The following SPEF2 variants were observed in gnomAD, a reference collection of about 807,000 sequenced individuals.
The protein encoded by SPEF2 is sperm flagellar and cilia associated 2.
SPEF2 carries 187 observed loss-of-function variants against 224.6 expected under a neutral mutation model. That is an observed-to-expected ratio of 0.83 (90% CI 0.74 to 0.94). The LOEUF (loss-of-function observed/expected upper bound fraction) is 0.94, where lower values mean the gene tolerates loss of function less well. Among genes scored for constraint, SPEF2 ranks in the 40% least tolerant of loss-of-function variants. The pLI, the probability that SPEF2 is intolerant of heterozygous loss-of-function variation, is 0.00. For missense variants in SPEF2, 2,170 were observed against 2,135.6 expected (o/e 1.02, Z -0.32); for synonymous variants, 715 against 707.3 (o/e 1.01, Z -0.17).
At chr5:35,787,847 A>G in intron 30 of SPEF2, 1 of 560,810 alleles carries the variant, frequency 1.8e-6, no homozygotes, top group Admixed American at 3.1e-5. Context: ...TAAAATAACA[A>G]TGTGGAGTTA....
At chr5:35,709,194 G>T (rs575662584) in intron 19 of SPEF2, 73 bp downstream of exon 19, 1 of 1,578,388 alleles carries the variant, frequency 6.3e-7, no homozygotes, top group Admixed American at 2.0e-5. Flanking sequence ...ATAAATTATA[G>T]TCTATCTACA....
chr5:35,707,928 A>G (rs377662524), intron 18 of SPEF2, among the ~76,000 whole-genome samples: 2 of 151,788 alleles, frequency 1.3e-5, no homozygotes, highest in East Asian at 1.9e-4. Flanking sequence ...ACTCTGTTCT[A>G]TTTTTTTTCC....
At chr5:35,618,549 T>A (rs958757360) in intron 1 of SPEF2, among the ~76,000 whole-genome samples, 3 of 152,174 alleles carry the variant, frequency 2.0e-5, no homozygotes, top group African/African-American at 7.2e-5. Context: ...TGTTTCCTTC[T>A]CTATAAAATG....
intron 30 of SPEF2, among the ~76,000 whole-genome samples, chr5:35,786,500 A>G (rs533079814): frequency 1.3e-5 from 2 of 152,288 alleles, no homozygotes; most frequent in East Asian, 3.9e-4. Flanking sequence ...TCTCTAATAA[A>G]AATACAAAAA....
At chr5:35,663,762 C>G (rs1160260543) in intron 8 of SPEF2, among the ~76,000 whole-genome samples, 2 of 152,092 alleles carry the variant, frequency 1.3e-5, no homozygotes, top group African/African-American at 4.8e-5. Flanking sequence ...CTCTTTCATC[C>G]TACCTCTGCA....
intron 4 of SPEF2, 69 bp from the exon 5 acceptor site, chr5:35,646,598 C>T (rs2149414765): frequency 6.9e-7 from 1 of 1,443,186 alleles, no homozygotes; most frequent in African/African-American, 1.4e-5. Context: ...TATATTTGTA[C>T]CTATGAGTGT....
intron 8 of SPEF2, 21 bp from the exon 9 acceptor site, chr5:35,667,051 A>T (rs1750566145): frequency 1.9e-6 from 3 of 1,579,368 alleles, no homozygotes; most frequent in African/African-American, 2.7e-5. Context: ...GTGACTTAAA[A>T]ATATGTTTTT....
chr5:35,793,727 AACACACACACACAC>A (rs374573342), intron 32 of SPEF2, among the ~76,000 whole-genome samples: 3,714 of 100,858 alleles, frequency 0.037, 148 homozygotes, highest in South Asian at 0.18. Flanking sequence ...CAGTGGTTAA[AACACACACACACAC>A]ACACACACAC....
chr5:35,663,352 C>T lies in SPEF2; in HGVS notation c.1168-3720C>T, dbSNP rs905097315. ...TTTAGTATTCCTTGACATCTGTGGT[C>T]ATATGTCTCAGAGACACTTCAAATT... On this transcript the variant is annotated intron_variant, in intron 8 of 36. Transcript: ENST00000356031. Among the ~76,000 whole-genome samples, 12 of 152,280 alleles carry T rather than the reference C, an allele frequency of 7.9e-5. No individual in the cohort carries two copies. The East Asian group carries it at 2.3e-3, about 29-fold the overall frequency.
chr5:35,791,190 C>G lies in SPEF2; in HGVS notation c.4448-1150C>G, dbSNP rs554424905. Reference sequence around the variant, plus strand: ...GAAAATTCTGCTATCTGGGAAAATGCTCTCATGTCTATAAAACTGGATACT... The same window carrying G: ...GAAAATTCTGCTATCTGGGAAAATGGTCTCATGTCTATAAAACTGGATACT... On this transcript the variant is annotated intron_variant, in intron 30 of 36. Transcript: ENST00000356031. 9 of 152,250 alleles carry G rather than the reference C, an allele frequency of 5.9e-5. No individual in the cohort carries two copies. In the South Asian group the frequency reaches 1.0e-3, roughly 18 times the overall value. 9.4% of individuals were successfully genotyped at this position (152,250 alleles called of 1,614,324 possible).
At chr5:35,766,880 A>T (rs1445857305) in intron 26 of SPEF2, among the ~76,000 whole-genome samples, 3 of 151,798 alleles carry the variant, frequency 2.0e-5, no homozygotes, top group Non-Finnish European at 4.4e-5. Context: ...TTAATTTTCA[A>T]AATAATATGT....
intron 6 of SPEF2, among the ~76,000 whole-genome samples, chr5:35,652,631 A>G (rs1425252161): frequency 1.3e-5 from 2 of 152,186 alleles, no homozygotes; most frequent in Admixed American, 6.5e-5. Flanking sequence ...TTTAGCAGAC[A>G]TCAACTATTT....
At chr5:35,640,264 G>A (rs954462631) in intron 2 of SPEF2, among the ~76,000 whole-genome samples, 21 of 152,082 alleles carry the variant, frequency 1.4e-4, no homozygotes, top group African/African-American at 4.8e-4. Context: ...GTAGCCCAAG[G>A]TTATAACCCA....
At chr5:35,703,859 T>C (rs1251871582) in intron 16 of SPEF2, among the ~76,000 whole-genome samples, 1 of 152,236 alleles carries the variant, frequency 6.6e-6, no homozygotes, top group African/African-American at 2.4e-5. Flanking sequence ...GTGAGGGTTC[T>C]TCATTTGCTC....
rs572326239 is a variant in SPEF2, at chr5:35,717,527, T to C, written c.2914+4641T>C. On this transcript the variant is annotated intron_variant, in intron 20 of 36. Transcript: ENST00000356031. ...TTCCTTAGTTCAGCTAAAGACGGGGTTCTTGTCCATCCCATGGCCATGAAA... is the reference window on the plus strand; with the variant it reads ...TTCCTTAGTTCAGCTAAAGACGGGGCTCTTGTCCATCCCATGGCCATGAAA... Among the ~76,000 whole-genome samples the C allele has an allele frequency of 1.1e-4, 16 of 152,094 alleles. No individual in the cohort carries two copies. The East Asian group carries it at 1.7e-3, about 17-fold the overall frequency.
intron 21 of SPEF2, among the ~76,000 whole-genome samples, chr5:35,732,599 A>T (rs1745816442): frequency 1.3e-5 from 2 of 152,220 alleles, no homozygotes; most frequent in South Asian, 4.1e-4. Context: ...TCTCCAAAAA[A>T]TTTAATATGA....
chr5:35,698,471 G>A lies in SPEF2; in HGVS notation c.2141+678G>A, dbSNP rs1374746312. 2.6e-5 allele frequency: 4 copies of A among 152,214 alleles called. No homozygotes were observed. The South Asian group carries it at 8.3e-4, about 32-fold the overall frequency. The allele number at this position is 152,214 out of a possible 1,614,324, so 9.4% of individuals were successfully genotyped here. A position where few individuals can be genotyped will look rare whatever the true frequency, so the allele number is the denominator to read the frequency against. On this transcript the variant is annotated intron_variant, in intron 15 of 36. Coordinates refer to ENST00000356031, the MANE Select transcript of SPEF2 (RefSeq NM_024867.4). ...AATAGTTGTAACATTTCCCAGAAGTGGCGATAAAGCATGTTTCAGCCATGG... is the reference window on the plus strand; with the variant it reads ...AATAGTTGTAACATTTCCCAGAAGTAGCGATAAAGCATGTTTCAGCCATGG...
At chr5:35,762,957 C>T (rs1751531036) in intron 25 of SPEF2, among the ~76,000 whole-genome samples, 1 of 152,182 alleles carries the variant, frequency 6.6e-6, no homozygotes, top group African/African-American at 2.4e-5. Flanking sequence ...CACCCACCAT[C>T]AAAACTTAGC....
At chr5:35,742,345 A>G (rs1228197326) in intron 23 of SPEF2, among the ~76,000 whole-genome samples, 1 of 152,142 alleles carries the variant, frequency 6.6e-6, no homozygotes, top group African/African-American at 2.4e-5. Flanking sequence ...TTTTTAAGTG[A>G]AACTTGTTTA....
Sources: gnomAD v4.1 joint callset for allele counts (sites outside exome capture counted in the v4.1 genomes callset) on GRCh38, gnomAD v4.1.1 for gene constraint, MANE v1.5 for transcripts, NCBI Gene and HGNC (gene_info 2026-07-23, HGNC 2026-07-21) for gene names.